PSD4: variants seen among roughly 807,000 people sequenced by gnomAD.
The protein encoded by PSD4 is pleckstrin and Sec7 domain containing 4.
In PSD4, 59 loss-of-function variants were observed where a neutral mutation model predicts 112.5. The observed-to-expected ratio is 0.52, with a 90% CI of 0.43 to 0.65. The LOEUF (loss-of-function observed/expected upper bound fraction) is 0.65. PSD4 is among the 30% of genes least tolerant of loss of function. The pLI, the probability that PSD4 is intolerant of heterozygous loss-of-function variation, is 0.00. For synonymous variants in PSD4, 533 were observed against 540.0 expected, an observed-to-expected ratio of 0.99 and a Z score of 0.18; for missense variants, 1,267 against 1,352.6, an observed-to-expected ratio of 0.94 and a Z score of 0.99.
At position 113,199,164 on chromosome 2, in the gene PSD4, C is replaced by T; in HGVS notation, c.2851C>T (p.Arg951Trp). 1.3e-6 allele frequency: 2 copies of T among 1,524,420 alleles called. No individual in the cohort carries two copies. The highest frequency in any genetic ancestry group is 2.6e-5 in the East Asian group (1 of 37,770). 94.4% of individuals were successfully genotyped at this position (1,524,420 alleles called of 1,614,324 possible). The change falls in exon 16 of 17, where the codon CGG becomes TGG. Residue 951 changes from arginine (R) to tryptophan (W), a missense_variant. Around this residue, in one of 2 missense-constraint regions of PSD4, gnomAD observed 544 missense variants for 648.6 expected, o/e 0.84. Coordinates refer to ENST00000245796, the MANE Select transcript of PSD4 (RefSeq NM_012455.3). ...GGATCTACAGAGGAACCTGCCGGAG[C>T]GGCGGGGCCGTGGCCGCGAGCTGGA... ...LLDLQRNLPE[R>W]RGRGRELEEH...
At chr2:113,197,966 C>T in intron 14 of PSD4, 53 bp downstream of exon 14, 1 of 1,479,986 alleles carries the variant, frequency 6.8e-7, no homozygotes, top group East Asian at 2.4e-5. Flanking sequence ...CCCTAGTTCT[C>T]TCTCCCCTGA....
chr2:113,185,827 G>C (rs926949477), intron 4 of PSD4, 50 bp from the exon 5 acceptor site: 1 of 1,576,466 alleles, frequency 6.3e-7, no homozygotes, highest in Admixed American at 1.9e-5. Context: ...TGCCCAGGCC[G>C]TTCTCCTGCC....
At chr2:113,194,252 T>A (rs112030341) in intron 10 of PSD4, among the ~76,000 whole-genome samples, 1 of 152,326 alleles carries the variant, frequency 6.6e-6, no homozygotes, top group East Asian at 1.9e-4. Context: ...CTTCAAAGTC[T>A]GAGAAGGGCA....
chr2:113,191,881 A>G (rs1573367892), intron 5 of PSD4, among the ~76,000 whole-genome samples: 1 of 151,818 alleles, frequency 6.6e-6, no homozygotes, highest in Non-Finnish European at 1.5e-5. Flanking sequence ...CTCCTGAACT[A>G]CCCCAGCTGC....
rs770418861 is a variant in PSD4 at position 113,183,390 on chromosome 2, A to G, written c.934A>G (p.Ile312Val). 1.3e-6 allele frequency: 2 copies of G among 1,575,612 alleles called. No homozygotes were observed. Among genetic ancestry groups the G allele is most frequent in the Non-Finnish European group, 1.7e-6 (2 of 1,160,036 alleles). Residue 312 changes from isoleucine to valine, a missense_variant, in exon 2 of 17, where the codon ATC becomes GTC. Coordinates refer to ENST00000245796, the MANE Select transcript of PSD4 (RefSeq NM_012455.3). ...GCCAGATTTGGGGGACGGCGCTGCTATCAGTGGGCATTGTACCCCTCCATT... is the reference window on the plus strand; with the variant it reads ...GCCAGATTTGGGGGACGGCGCTGCTGTCAGTGGGCATTGTACCCCTCCATT... Reference protein sequence around the residue: ...SEPDLGDGAAISGHCTPPFPV... With the variant: ...SEPDLGDGAAVSGHCTPPFPV...
chr2:113,201,266 C>G lies in PSD4; in HGVS notation c.3022C>G (p.Arg1008Gly). 6.2e-7 allele frequency: 1 copy of G among 1,614,166 alleles called. No individual in the cohort carries two copies. The highest frequency in any genetic ancestry group is 8.5e-7 in the Non-Finnish European group (1 of 1,180,034). Residue 1008 changes from arginine (R) to glycine (G), a missense_variant, in exon 17 of 17, where the codon CGG (arginine) becomes GGG (glycine). Physicochemically the swap from Arg to Gly is moderately radical, Grantham distance 125. Transcript: ENST00000245796. ...EQLGREAGGT[R>G]EPKLSLKKSH... ...GCTGGGGAGGGAAGCTGGAGGCACTCGGGAGCCCAAGCTCAGCCTGAAGAA... is the reference window on the plus strand; with the variant it reads ...GCTGGGGAGGGAAGCTGGAGGCACTGGGGAGCCCAAGCTCAGCCTGAAGAA...
At position 113,184,965 on chromosome 2, in the gene PSD4, G is replaced by A; in HGVS notation, c.1065G>A (p.Arg355=). 1 of 1,614,018 alleles carries A rather than the reference G, an allele frequency of 6.2e-7. No homozygotes were observed. The highest frequency in any genetic ancestry group is 1.1e-5 in the South Asian group (1 of 91,080). Residue 355 remains arginine (R), a synonymous_variant, in exon 3 of 17, where the codon AGG becomes AGA. Coordinates refer to ENST00000245796, the MANE Select transcript of PSD4 (RefSeq NM_012455.3). ...PPGHGESEGD[R]LGPAPSAAPC... ...CTCTCTCGACTTCTCAGGGAGATAGGCTTGGTCCTGCTCCATCTGCAGCAC... is the reference window on the plus strand; with the variant it reads ...CTCTCTCGACTTCTCAGGGAGATAGACTTGGTCCTGCTCCATCTGCAGCAC...
chr2:113,197,829 C>T lies in PSD4; in HGVS notation c.2540C>T (p.Ala847Val). 2.5e-6 allele frequency: 4 copies of T among 1,610,760 alleles called. No individual in the cohort carries two copies. Among genetic ancestry groups the T allele is most frequent in the South Asian group, 1.1e-5 (1 of 90,982 alleles). ...DEPVGVHHSLATPATHYTKKP... is the reference protein window; with the variant it reads ...DEPVGVHHSLVTPATHYTKKP... ...CCCGTGGGGGTGCACCACTCGCTGG[C>T]CACCCCCGCCACGCATTACACCAAG... Residue 847 changes from alanine (A) to valine (V), a missense_variant, in exon 14 of 17, where the codon GCC (alanine) becomes GTC (valine). By Grantham distance (64) the Ala-to-Val change is moderately conservative. This residue lies in a region of PSD4 where 544 missense variants were observed against 648.6 expected (regional missense o/e 0.84). Transcript: ENST00000245796.
At chr2:113,192,660 C>G in intron 6 of PSD4, 71 bp downstream of exon 6, 1 of 1,481,976 alleles carries the variant, frequency 6.7e-7, no homozygotes, top group Non-Finnish European at 9.3e-7. Flanking sequence ...AGGGCTCCCT[C>G]CACTGGCCAC....
Position 113,182,690 on chromosome 2 carries a change from G to T in PSD4, c.234G>T (p.Trp78Cys). 1 of 1,606,734 alleles carries T rather than the reference G, an allele frequency of 6.2e-7. No homozygotes were observed. Among genetic ancestry groups the T allele is most frequent in the Non-Finnish European group, 8.5e-7 (1 of 1,176,996 alleles). The change falls in exon 2 of 17, where the codon TGG becomes TGT. Residue 78 changes from tryptophan to cysteine, a missense_variant. Trp to Cys is a radical substitution (Grantham distance 215, BLOSUM62 -2). This residue lies in a region of PSD4 where 723 missense variants were observed against 704.0 expected (regional missense o/e 1.03). Coordinates refer to ENST00000245796, the MANE Select transcript of PSD4 (RefSeq NM_012455.3). ...SGVELTHLGS[W>C]VHQDGLEPCQ... ...TGGAGCTCACACACCTGGGGAGCTG[G>T]GTCCATCAGGACGGGCTGGAGCCTT...
At position 113,206,987 on chromosome 2, in the gene PSD4, T is replaced by C. The variant is rs1193674839; in HGVS notation, c.*5572T>C. ...CTTCACTCTGATTCAAGGCCCCTTT[T>C]CTCTCTTGTTCTTTTGGGGGCTCCA... On this transcript the variant is annotated 3_prime_UTR_variant, in exon 17 of 17. Transcript: ENST00000245796. 6.6e-6 allele frequency: 1 copy of C among 152,184 alleles called. No individual in the cohort carries two copies. The highest frequency in any genetic ancestry group is 1.5e-5 in the Non-Finnish European group (1 of 68,048). 9.4% of individuals were successfully genotyped at this position (152,184 alleles called of 1,614,324 possible).
chr2:113,193,973 G>A lies in PSD4; in HGVS notation c.2181+25G>A. ...GGTATGTGCCACGGGGTCTTCTTATGAGCCTCATGTAGGACCTGGAGCCTT... is the reference window on the plus strand; with the variant it reads ...GGTATGTGCCACGGGGTCTTCTTATAAGCCTCATGTAGGACCTGGAGCCTT... On this transcript the variant is annotated intron_variant, in intron 10 of 16. Transcript: ENST00000245796. The A allele has an allele frequency of 3.1e-6, 5 of 1,607,032 alleles. No individual in the cohort carries two copies. The South Asian group carries it at 4.4e-5, about 14-fold the overall frequency.
At position 113,182,778 on chromosome 2, in the gene PSD4, G is replaced by A. The variant is rs1688180707; in HGVS notation, c.322G>A (p.Gly108Ser). The A allele has an allele frequency of 6.3e-7, 1 of 1,595,396 alleles. No homozygotes were observed. The highest frequency in any genetic ancestry group is 2.2e-5 in the East Asian group (1 of 44,636). Residue 108 changes from glycine to serine, a missense_variant, in exon 2 of 17, where the codon GGC becomes AGC. Physicochemically the swap from Gly to Ser is moderately conservative, Grantham distance 56. Transcript: ENST00000245796. The part of the protein sequence containing the change: ...ESTRQDAPPW[G>S]SGVELTHLGS... ...TACCAGACAAGATGCTCCTCCCTGGGGCTCCGGTGTGGAGCTCACACACCT... is the reference window on the plus strand; with the variant it reads ...TACCAGACAAGATGCTCCTCCCTGGAGCTCCGGTGTGGAGCTCACACACCT...
chr2:113,193,254 G>A lies in PSD4; in HGVS notation c.1920-4G>A. On this transcript the variant is annotated splice_region_variant and splice_polypyrimidine_tract_variant and intron_variant, in intron 7 of 16. Coordinates refer to ENST00000245796, the MANE Select transcript of PSD4 (RefSeq NM_012455.3). Reference sequence around the variant, plus strand: ...CTCTCCTTGACCCTGGCCCTCCTTTGCAGGAGCTTCCTCCAGGCCTTGGTG... The same window carrying A: ...CTCTCCTTGACCCTGGCCCTCCTTTACAGGAGCTTCCTCCAGGCCTTGGTG... The A allele has an allele frequency of 6.3e-7, 1 of 1,579,784 alleles. No individual in the cohort carries two copies. The highest frequency in any genetic ancestry group is 8.6e-7 in the Non-Finnish European group (1 of 1,164,392).
At chr2:113,194,054 T>A in intron 10 of PSD4, 106 bp downstream of exon 10, 2 of 1,062,854 alleles carry the variant, frequency 1.9e-6, no homozygotes, top group Non-Finnish European at 2.7e-6. Flanking sequence ...CAAAATATCC[T>A]TGAGAGAACA....
chr2:113,193,428 C>T (rs1331224499), intron 8 of PSD4, 58 bp downstream of exon 8: 54 of 1,549,858 alleles, frequency 3.5e-5, no homozygotes, highest in Admixed American at 5.1e-5. Context: ...CCCATGTCTG[C>T]TTGGGAGTTC....
In PSD4 at chr2:113,186,124, G is replaced by T. The variant is rs1397558911; in HGVS notation, c.1497G>T (p.Gln499His). 1 of 1,614,230 alleles carries T rather than the reference G, an allele frequency of 6.2e-7. No homozygotes were observed. Among genetic ancestry groups the T allele is most frequent in the Non-Finnish European group, 8.5e-7 (1 of 1,180,054 alleles). ...QSSLLETDGE[Q>H]PSSLKKKEAG... ...CACTCTTGGAGACGGATGGGGAACA[G>T]CCAAGTTCCTTGAAGAAAAAGGAGG... The change falls in exon 5 of 17, where the codon CAG (glutamine) becomes CAT (histidine). Residue 499 changes from glutamine (Q) to histidine (H), a missense_variant. Physicochemically the swap from Gln to His is conservative, Grantham distance 24 (BLOSUM62 0). Around this residue, in one of 2 missense-constraint regions of PSD4, gnomAD observed 723 missense variants for 704.0 expected, o/e 1.03. Transcript: ENST00000245796.
intron 4 of PSD4, 65 bp from the exon 5 acceptor site, chr2:113,185,812 G>C (rs1351560298): frequency 6.4e-7 from 1 of 1,562,220 alleles, no homozygotes; most frequent in African/African-American, 1.4e-5. Context: ...AGCCTCTGGA[G>C]GTGGTGCCCA....
intron 5 of PSD4, 69 bp downstream of exon 5, chr2:113,186,324 T>G (rs753869579): frequency 7.7e-5 from 112 of 1,462,028 alleles, no homozygotes; most frequent in Non-Finnish European, 8.2e-5. Flanking sequence ...CTAGTCTGGA[T>G]GGAGGGTGAG....
Sources: allele counts gnomAD v4.1 joint callset (sites outside exome capture counted in the v4.1 genomes callset), GRCh38; gene constraint gnomAD v4.1.1; regional missense constraint gnomAD v4.1.1; transcripts MANE v1.5; gene names NCBI Gene and HGNC (gene_info 2026-07-23, HGNC 2026-07-21).